Variants in ERCC1 observed in about 807,000 individuals in gnomAD.
The protein encoded by ERCC1 is ERCC excision repair 1, endonuclease non-catalytic subunit.
ERCC1 carries 36 observed loss-of-function variants against 37.6 expected under a neutral mutation model. The observed-to-expected ratio is 0.96, with a 90% CI of 0.73 to 1.26. ERCC1 has a LOEUF of 1.26. Among genes scored for constraint, ERCC1 ranks in the 50% most tolerant of loss-of-function variants. The probability of loss-of-function intolerance (pLI) is 0.00; values close to 1 mark genes in which losing one functional copy is unlikely to be tolerated. For synonymous variants in ERCC1, 156 were observed against 162.1 expected, an observed-to-expected ratio of 0.96 and a Z score of 0.28; for missense variants, 349 against 376.5, an observed-to-expected ratio of 0.93 and a Z score of 0.60.
At chr19:45,417,890 C>A (rs1974157817) in intron 5 of ERCC1, among the ~76,000 whole-genome samples, 1 of 151,910 alleles carries the variant, frequency 6.6e-6, no homozygotes, top group Admixed American at 6.6e-5. Context: ...GGGGTCTTCA[C>A]TATGTTGCCC....
intron 1 of ERCC1, among the ~76,000 whole-genome samples, chr19:45,438,576 T>C (rs1032567999): frequency 1.3e-5 from 2 of 152,150 alleles, no homozygotes; most frequent in Non-Finnish European, 2.9e-5. Context: ...TCCTCCTACC[T>C]CAGCCTTCTG....
At chr19:45,432,119 G>A (rs1481270033) in intron 1 of ERCC1, among the ~76,000 whole-genome samples, 1 of 151,740 alleles carries the variant, frequency 6.6e-6, no homozygotes, top group Non-Finnish European at 1.5e-5. Flanking sequence ...CTACAGGCAT[G>A]TGCCGCCACA....
At chr19:45,427,753 C>A (rs1002025832), upstream of ERCC1, among the ~76,000 whole-genome samples, 20 of 152,194 alleles carry the variant, frequency 1.3e-4, no homozygotes, top group Admixed American at 1.1e-3. Flanking sequence ...CTTAACCCTG[C>A]AACTCCTGCG....
upstream of ERCC1, among the ~76,000 whole-genome samples, chr19:45,426,152 A>T (rs562683779): frequency 1.3e-5 from 2 of 152,046 alleles, no homozygotes; most frequent in South Asian, 2.1e-4. Context: ...AGGCCGAGAC[A>T]GGCGGATCAC....
chr19:45,444,421 C>T, intron 1 of ERCC1, among the ~76,000 whole-genome samples: 1 of 151,764 alleles, frequency 6.6e-6, no homozygotes. Flanking sequence ...CAGTTTGCTG[C>T]GGCAAAACAC....
upstream of ERCC1, among the ~76,000 whole-genome samples, chr19:45,425,039 C>A (rs1361361685): frequency 6.7e-6 from 1 of 148,662 alleles, no homozygotes; most frequent in African/African-American, 2.5e-5. Context: ...CTCCTGCCTC[C>A]TTAGTAGCTG....
Position 45,414,938 on chromosome 19 carries a change from G to C in ERCC1, c.625C>G (p.Leu209Val). The C allele has an allele frequency of 1.2e-6, 2 of 1,613,764 alleles. No individual in the cohort carries two copies. The highest frequency in any genetic ancestry group is 1.7e-6 in the Non-Finnish European group (2 of 1,179,754). ...TGCTCATAGGCCTTGTAGGTCTCCAGGTACCGCCCAGCTTCCTCGGGGCTG... is the reference window on the plus strand; with the variant it reads ...TGCTCATAGGCCTTGTAGGTCTCCACGTACCGCCCAGCTTCCTCGGGGCTG... ...AWSPEEAGRY[L>V]ETYKAYEQKP... The change falls in exon 7 of 10, where the codon CTG becomes GTG. Residue 209 changes from leucine (L) to valine (V), a missense_variant. Coordinates refer to ENST00000300853, the MANE Select transcript of ERCC1 (RefSeq NM_001983.4).
rs2123509517 is a variant in ERCC1 at position 45,420,269 on chromosome 19, T to C, written c.425+55A>G. On this transcript the variant is annotated intron_variant, in intron 4 of 9. Transcript: ENST00000300853. The surrounding 1 kb of genome is among the most constrained non-coding windows in gnomAD (Gnocchi z 4.8). ...AGTCCAGAACACTGGGACATGACCC[T>C]CCCAGGCCAGTGGGGTGCCCTTCCT... is the stretch of plus-strand genomic sequence containing the variant. 1.7e-6 allele frequency: 2 copies of C among 1,156,670 alleles called. No homozygotes were observed. The highest frequency in any genetic ancestry group is 2.5e-5 in the East Asian group (1 of 40,176). 71.7% of individuals were successfully genotyped at this position (1,156,670 alleles called of 1,614,324 possible). A position where few individuals can be genotyped will look rare whatever the true frequency, so the allele number is the denominator to read the frequency against.
chr19:45,436,667 G>T (rs568497490), intron 1 of ERCC1: 2 of 152,530 alleles, frequency 1.3e-5, no homozygotes, highest in South Asian at 2.1e-4. Context: ...GATGAAGCGG[G>T]GGGGCGGGGT....
chr19:45,436,396 G>T (rs537684256), intron 1 of ERCC1, among the ~76,000 whole-genome samples: 1 of 152,310 alleles, frequency 6.6e-6, no homozygotes, highest in East Asian at 1.9e-4. Context: ...GGAGGCCGAG[G>T]CGGGCGGATC....
chr19:45,426,041 C>T (rs922462205), upstream of ERCC1, among the ~76,000 whole-genome samples: 5 of 151,302 alleles, frequency 3.3e-5, no homozygotes, highest in African/African-American at 9.7e-5. Flanking sequence ...GTCAGGAGTT[C>T]GAGACCAGCC....
chr19:45,447,406 G>T (rs1966982096), intron 1 of ERCC1, among the ~76,000 whole-genome samples: 1 of 151,210 alleles, frequency 6.6e-6, no homozygotes, highest in African/African-American at 2.4e-5. Flanking sequence ...CTCCTGAGTA[G>T]CTGGAACTAC....
At position 45,420,360 on chromosome 19, in the gene ERCC1, T is replaced by C. The variant is rs1437403079; in HGVS notation, c.389A>G (p.Tyr130Cys). The change falls in exon 4 of 10, where the codon TAT (tyrosine) becomes TGT (cysteine). Residue 130 changes from tyrosine (Y) to cysteine (C), a missense_variant. Tyr to Cys is a radical substitution (Grantham distance 194). Coordinates refer to ENST00000300853, the MANE Select transcript of ERCC1 (RefSeq NM_001983.4). This position sits in a 1 kb window ranked among gnomAD's most constrained non-coding sequence, Gnocchi z 4.8. The stretch of plus-strand genomic sequence containing the variant: ...GGCACAGGTGCTCTGGCCCAGCACA[T>C]AGTCGGGAATTACGTCGCCAAATTC... ...PWEFGDVIPD[Y>C]VLGQSTCALF... 1.9e-6 allele frequency: 3 copies of C among 1,613,612 alleles called. No homozygotes were observed. Among genetic ancestry groups the C allele is most frequent in the African/African-American group, 2.7e-5 (2 of 74,994 alleles).
rs1973511502 is a variant in ERCC1 at position 45,408,903 on chromosome 19, A to G, written c.*772T>C. Reference sequence around the variant, plus strand: ...GGGGTGACAGTTGAGTCTCAGCCACAGGTGAAGGTGGAGCCACTGGAGGAA... The same window carrying G: ...GGGGTGACAGTTGAGTCTCAGCCACGGGTGAAGGTGGAGCCACTGGAGGAA... On this transcript the variant is annotated 3_prime_UTR_variant, in exon 10 of 10. Coordinates refer to ENST00000300853, the MANE Select transcript of ERCC1 (RefSeq NM_001983.4). 1 of 1,614,004 alleles carries G rather than the reference A, an allele frequency of 6.2e-7. No homozygotes were observed.
At position 45,407,927 on chromosome 19, in the gene ERCC1, G is replaced by A. The variant is rs938879545; in HGVS notation, c.*1748C>T. 9.3e-6 allele frequency: 5 copies of A among 535,570 alleles called. 1 individual carries two copies. The highest frequency in any genetic ancestry group is 1.2e-5 in the Non-Finnish European group (4 of 331,886). The allele number at this position is 535,570 out of a possible 1,614,324, so 33.2% of individuals were successfully genotyped here. ...AAATTGGCTGGGCGTGGTGGCAGGT[G>A]CCTGTAATCCCAGCTACTTGAGAGG... On this transcript the variant is annotated 3_prime_UTR_variant, in exon 10 of 10. Transcript: ENST00000300853.
chr19:45,415,413 G>T (rs2123477637), intron 6 of ERCC1, among the ~76,000 whole-genome samples: 1 of 150,652 alleles, frequency 6.6e-6, no homozygotes, highest in South Asian at 2.1e-4. Context: ...GAGGTGAGCA[G>T]ATCACCAGGT....
upstream of ERCC1, among the ~76,000 whole-genome samples, chr19:45,424,695 T>C (rs1974628375): frequency 6.6e-6 from 1 of 152,182 alleles, no homozygotes; most frequent in Non-Finnish European, 1.5e-5. Flanking sequence ...TTATTACTAT[T>C]AATTTCTAGG....
At chr19:45,428,030 G>C (rs1422094545), upstream of ERCC1, among the ~76,000 whole-genome samples, 1 of 149,116 alleles carries the variant, frequency 6.7e-6, no homozygotes, top group East Asian at 2.0e-4. Context: ...CAAGTTGGAT[G>C]TTGGATTTCT....
intron 9 of ERCC1, among the ~76,000 whole-genome samples, chr19:45,412,434 C>T (rs1046730706): frequency 1.3e-5 from 2 of 152,218 alleles, no homozygotes; most frequent in Admixed American, 6.5e-5. Flanking sequence ...GCTGGGATTA[C>T]AGGCATGAGC....
Sources: gnomAD v4.1 joint callset for allele counts (sites outside exome capture counted in the v4.1 genomes callset) on GRCh38, gnomAD v4.1.1 for gene constraint, Gnocchi (gnomAD v3.1) non-coding constraint, MANE v1.5 for transcripts, NCBI Gene and HGNC (gene_info 2026-07-23, HGNC 2026-07-21) for gene names.